Variants in SOHLH1 observed in about 807,000 individuals in gnomAD.
The protein encoded by SOHLH1 is spermatogenesis and oogenesis specific basic helix-loop-helix 1, also known as spermatogenesis- and oogenesis-specific basic helix-loop-helix-containing protein 1.
SOHLH1 carries 23 observed loss-of-function variants against 36.2 expected under a neutral mutation model. The observed-to-expected ratio is 0.64, with a 90% CI of 0.46 to 0.90. SOHLH1 has a LOEUF of 0.90. Among genes scored for constraint, SOHLH1 ranks in the 40% least tolerant of loss-of-function variants. The probability of loss-of-function intolerance (pLI) is 0.00; values close to 1 mark genes in which losing one functional copy is unlikely to be tolerated. For missense variants in SOHLH1, 608 were observed against 517.0 expected, an observed-to-expected ratio of 1.18 and a Z score of -1.71; for synonymous variants, 289 against 228.3, an observed-to-expected ratio of 1.27 and a Z score of -2.40.
chr9:135,695,002 CAT>C (rs1273286106), intron 6 of SOHLH1, 46 bp downstream of exon 6: 57 of 1,532,320 alleles, frequency 3.7e-5, no homozygotes, highest in Admixed American at 5.7e-5. Context: ...CTCACACACA[CAT>C]GCTCGCTCAC....
upstream of SOHLH1, chr9:135,699,551 C>T: frequency 6.9e-7 from 1 of 1,441,500 alleles, no homozygotes; most frequent in African/African-American, 1.4e-5. Flanking sequence ...TGCCCACCTG[C>T]CACGTGCTTT....
chr9:135,698,352 C>T lies in SOHLH1; in HGVS notation c.322G>A (p.Gly108Arg). Residue 108 changes from glycine to arginine, a missense_variant, in exon 3 of 8, where the codon GGG (glycine) becomes AGG (arginine). By Grantham distance (125) the Gly-to-Arg change is moderately radical (BLOSUM62 -2). Coordinates refer to ENST00000425225, the MANE Select transcript of SOHLH1 (RefSeq NM_001101677.2). ...ACAGCGTGCTGCTCCTGACTGGGCC[C>T]CAGGGCGCTGGCAAGCCGCAGGAAC... ...VQFLRLASAL[G>R]PSQEQHAILA... 6.2e-7 allele frequency: 1 copy of T among 1,613,042 alleles called. No individual in the cohort carries two copies. The highest frequency in any genetic ancestry group is 8.5e-7 in the Non-Finnish European group (1 of 1,180,022).
upstream of SOHLH1, chr9:135,702,082 C>T (rs1306733363): frequency 1.1e-5 from 6 of 557,974 alleles, no homozygotes; most frequent in African/African-American, 4.1e-5. Flanking sequence ...GCCGCGGGTC[C>T]CGGCGCGGCC....
Position 135,696,646 on chromosome 9 carries a change from C to G in SOHLH1, c.627G>C (p.Leu209=), listed in dbSNP as rs1437247592. ...GTDKCEALLG[L]CQVRGGLPPF... ...GGGGCAGCCCACCCCGCACCTGGCA[C>G]AGCCCCAACAGTGCCTCACACTTGT... Residue 209 remains leucine (L), a synonymous_variant, in exon 5 of 8, where the codon CTG becomes CTC. Coordinates refer to ENST00000425225, the MANE Select transcript of SOHLH1 (RefSeq NM_001101677.2). 1 of 1,612,786 alleles carries G rather than the reference C, an allele frequency of 6.2e-7. No homozygotes were observed. Among genetic ancestry groups the G allele is most frequent in the Non-Finnish European group, 8.5e-7 (1 of 1,179,816 alleles).
chr9:135,698,871 C>T (rs912957430), intron 2 of SOHLH1, 124 bp downstream of exon 2: 7 of 1,391,466 alleles, frequency 5.0e-6, no homozygotes, highest in African/African-American at 1.4e-5. Context: ...GCAGTCTGTC[C>T]TTCTCCTGGG....
chr9:135,699,009 G>A lies in SOHLH1; in HGVS notation c.183C>T (p.Ser61=). The A allele has an allele frequency of 1.2e-6, 2 of 1,611,514 alleles. No homozygotes were observed. ...CCACCACTCACCTGCGCTCCCTCTCGCTGATCACGTTCCGCCGAAGGCAGG... is the reference window on the plus strand; with the variant it reads ...CCACCACTCACCTGCGCTCCCTCTCACTGATCACGTTCCGCCGAAGGCAGG... The part of the protein sequence containing the change: ...PSSCLRRNVI[S]ERERRKRMSL... The change falls in exon 2 of 8, where the codon AGC becomes AGT. Residue 61 remains serine (S), a synonymous_variant. Coordinates refer to ENST00000425225, the MANE Select transcript of SOHLH1 (RefSeq NM_001101677.2).
At chr9:135,694,560 A>G in intron 6 of SOHLH1, 103 bp from the exon 7 acceptor site, 1 of 1,485,932 alleles carries the variant, frequency 6.7e-7, no homozygotes, top group Non-Finnish European at 9.1e-7. Flanking sequence ...TTCGAATGCA[A>G]AGATCTAGGC....
upstream of SOHLH1, among the ~76,000 whole-genome samples, chr9:135,699,918 A>T (rs1834974784): frequency 6.6e-6 from 1 of 151,872 alleles, no homozygotes; most frequent in Admixed American, 6.6e-5. Context: ...TGGGGGACCC[A>T]GGGACACAGG....
Position 135,698,484 on chromosome 9 carries a change from C to T in SOHLH1, c.198-8G>A. 2 of 1,613,092 alleles carry T rather than the reference C, an allele frequency of 1.2e-6. No homozygotes were observed. The highest frequency in any genetic ancestry group is 1.7e-6 in the Non-Finnish European group (2 of 1,180,012). The stretch of plus-strand genomic sequence containing the variant: ...CTCAACGACATCCGCTTCCTGGTTC[C>T]GGTCAAGAAACAAATACCTCTGGGC... On this transcript the variant is annotated splice_region_variant and splice_polypyrimidine_tract_variant and intron_variant, in intron 2 of 7. Coordinates refer to ENST00000425225, the MANE Select transcript of SOHLH1 (RefSeq NM_001101677.2).
At chr9:135,694,229 G>A (rs1195057032) in intron 7 of SOHLH1, 158 bp downstream of exon 7, 2 of 1,480,372 alleles carry the variant, frequency 1.4e-6, no homozygotes, top group Non-Finnish European at 1.8e-6. Context: ...CTCAATACCA[G>A]ACACGGCCCA....
At chr9:135,694,530 C>A in intron 6 of SOHLH1, 73 bp from the exon 7 acceptor site, 1 of 1,577,428 alleles carries the variant, frequency 6.3e-7, no homozygotes, top group Non-Finnish European at 8.6e-7. Context: ...ACATTTGGGC[C>A]CAAGTCCTGC....
chr9:135,696,270 A>G (rs1834794829), intron 5 of SOHLH1, among the ~76,000 whole-genome samples: 1 of 150,572 alleles, frequency 6.6e-6, no homozygotes. Context: ...GGACCCAGGG[A>G]GGAGAAGATC....
At chr9:135,697,762 G>A (rs1834863444) in intron 3 of SOHLH1, 135 bp from the exon 4 acceptor site, 2 of 1,078,412 alleles carry the variant, frequency 1.9e-6, no homozygotes, top group African/African-American at 1.6e-5. Flanking sequence ...TTGGGGGCGA[G>A]AGTACAGGTT....
intron 2 of SOHLH1, 26 bp downstream of exon 2, chr9:135,698,969 C>CA: frequency 6.2e-7 from 1 of 1,611,164 alleles, no homozygotes; most frequent in Non-Finnish European, 8.5e-7. Context: ...ACAGCGCCCT[C>CA]ACCCCTGGGA....
At chr9:135,699,236 G>A (rs1402006000) in intron 1 of SOHLH1, 110 bp from the exon 2 acceptor site, 5 of 1,526,376 alleles carry the variant, frequency 3.3e-6, no homozygotes, top group Non-Finnish European at 4.4e-6. Flanking sequence ...CCAAGACTGG[G>A]TCACGTAGGG....
chr9:135,702,101 G>A, upstream of SOHLH1: 2 of 591,854 alleles, frequency 3.4e-6, no homozygotes, highest in Non-Finnish European at 5.7e-6. Flanking sequence ...CCGGCAGGGG[G>A]CGCGCGCGGA....
chr9:135,696,148 AGTGACCAGGATGGGGCAAGT>A (rs1834787247), intron 5 of SOHLH1, among the ~76,000 whole-genome samples: 1 of 150,644 alleles, frequency 6.6e-6, no homozygotes. Flanking sequence ...AGACCCAGGG[AGTGACCAGGATGGGGCAAGT>A]CCCTCTACGT....
upstream of SOHLH1, among the ~76,000 whole-genome samples, chr9:135,699,953 C>T (rs1834975840): frequency 6.6e-6 from 1 of 152,018 alleles, no homozygotes; most frequent in African/African-American, 2.4e-5. Flanking sequence ...CCCGCCTGCT[C>T]CCCAGTCGCC....
rs1834817435 is a variant in SOHLH1 at position 135,696,721 on chromosome 9, A to G, written c.552T>C (p.Leu184=). The change falls in exon 5 of 8, where the codon CTT becomes CTC. Residue 184 remains leucine (L), a synonymous_variant. Coordinates refer to ENST00000425225, the MANE Select transcript of SOHLH1 (RefSeq NM_001101677.2). Reference sequence around the variant, plus strand: ...CGGGGTCCCACTGCCTGGAGGACGCAAGGATGTGCGGCACGGGCTCTGGGC... The same window carrying G: ...CGGGGTCCCACTGCCTGGAGGACGCGAGGATGTGCGGCACGGGCTCTGGGC... The part of the protein sequence containing the change: ...SASPEPVPHI[L]ASSRQWDPAS... 1 of 1,613,050 alleles carries G rather than the reference A, an allele frequency of 6.2e-7. No individual in the cohort carries two copies.
Sources: gnomAD v4.1 joint callset for allele counts (sites outside exome capture counted in the v4.1 genomes callset) on GRCh38, gnomAD v4.1.1 for gene constraint, MANE v1.5 for transcripts, NCBI Gene and HGNC (gene_info 2026-07-23, HGNC 2026-07-21) for gene names.